Variants in USP34 observed in about 807,000 individuals in gnomAD.
The protein encoded by USP34 is ubiquitin carboxyl-terminal hydrolase 34.
A neutral mutation model predicts 460.3 loss-of-function variants in USP34; 70 were observed. The ratio of observed to expected loss-of-function variants is 0.15; its 90% confidence interval spans 0.13 to 0.19. USP34 has a LOEUF of 0.19. USP34 is among the 10% of genes least tolerant of loss of function. USP34 has a pLI of 1.00. For missense variants in USP34, 3,985 were observed against 4,236.2 expected, an observed-to-expected ratio of 0.94 and a Z score of 1.65; for synonymous variants, 1,647 against 1,405.3, an observed-to-expected ratio of 1.17 and a Z score of -3.85.
Position 61,378,327 on chromosome 2 carries a change from T to C in USP34, c.1076+36A>G, listed in dbSNP as rs756840065. The C allele has an allele frequency of 1.1e-5, 16 of 1,404,184 alleles. No homozygotes were observed. The South Asian group carries it at 1.9e-4, about 17-fold the overall frequency. 87.0% of individuals were successfully genotyped at this position (1,404,184 alleles called of 1,614,324 possible). On this transcript the variant is annotated intron_variant, in intron 8 of 79. Transcript: ENST00000398571. ...CCATATAAACAACTGTACATTAAAA[T>C]GGTATACTTATATATAAATTAATGC...
chr2:61,433,561 G>A (rs1395336481), intron 1 of USP34, among the ~76,000 whole-genome samples: 3 of 152,110 alleles, frequency 2.0e-5, no homozygotes, highest in African/African-American at 4.8e-5. Flanking sequence ...TTGAACCCAG[G>A]AGGCAGAGGT....
At chr2:61,249,359 T>C (rs1260816016) in intron 48 of USP34, among the ~76,000 whole-genome samples, 2 of 152,218 alleles carry the variant, frequency 1.3e-5, no homozygotes, top group African/African-American at 4.8e-5. Flanking sequence ...GTATACACCA[T>C]GGACATGCTG....
chr2:61,383,110 CAT>C (rs1693023676), intron 6 of USP34, among the ~76,000 whole-genome samples, 157 bp downstream of exon 6: 1 of 151,970 alleles, frequency 6.6e-6, no homozygotes, highest in African/African-American at 2.4e-5. Flanking sequence ...AATATAAATC[CAT>C]ATATGTGCAT....
chr2:61,440,322 G>C (rs1039894153), intron 1 of USP34, among the ~76,000 whole-genome samples: 1 of 152,068 alleles, frequency 6.6e-6, no homozygotes. Context: ...GGTCCTGCTG[G>C]AGGATGTGCC....
intron 67 of USP34, among the ~76,000 whole-genome samples, chr2:61,218,610 T>C (rs1431201639): frequency 2.0e-5 from 3 of 151,956 alleles, no homozygotes; most frequent in Non-Finnish European, 4.4e-5. Context: ...CTAGTATACA[T>C]TACAGCTAGT....
At chr2:61,255,467 T>A (rs749225710) in intron 48 of USP34, among the ~76,000 whole-genome samples, 1 of 152,220 alleles carries the variant, frequency 6.6e-6, no homozygotes, top group South Asian at 2.1e-4. Context: ...CTTATTTGTA[T>A]CTTAGGAATC....
intron 19 of USP34, 124 bp from the exon 20 acceptor site, chr2:61,331,495 T>A: frequency 1.6e-6 from 1 of 634,084 alleles, no homozygotes; most frequent in South Asian, 3.7e-5. Flanking sequence ...TTACGAAAAA[T>A]ATACACGTTT....
rs191007662 is a variant in USP34, at chr2:61,334,938, C to A, written c.2745-967G>T. 8.5e-5 allele frequency among the ~76,000 whole-genome samples: 13 copies of A among 152,282 alleles called. No individual in the cohort carries two copies. In the East Asian group the frequency reaches 2.5e-3, roughly 29 times the overall value. ...AGTTTTTCCTAAGATTATCTAAAAA[C>A]TTCCAACTTTTCTCCCATTTAAAAG... On this transcript the variant is annotated intron_variant, in intron 18 of 79. Coordinates refer to ENST00000398571, the MANE Select transcript of USP34 (RefSeq NM_014709.4).
chr2:61,303,741 C>T (rs1480483096), intron 27 of USP34, among the ~76,000 whole-genome samples: 3 of 151,550 alleles, frequency 2.0e-5, no homozygotes, highest in South Asian at 4.2e-4. Context: ...GGACTACAGG[C>T]GCCTGCCACC....
At chr2:61,193,843 C>G (rs905786904) in intron 75 of USP34, among the ~76,000 whole-genome samples, 1 of 152,146 alleles carries the variant, frequency 6.6e-6, no homozygotes, top group Non-Finnish European at 1.5e-5. Context: ...GTGTTTGAGG[C>G]TTTGTGGCCA....
intron 3 of USP34, among the ~76,000 whole-genome samples, chr2:61,399,127 G>C (rs768588211): frequency 6.6e-6 from 1 of 151,982 alleles, no homozygotes; most frequent in Non-Finnish European, 1.5e-5. Context: ...GGCCTAGGTA[G>C]GTGGATCACG....
intron 75 of USP34, among the ~76,000 whole-genome samples, chr2:61,198,556 AC>A (rs1686877503): frequency 6.9e-6 from 1 of 144,870 alleles, no homozygotes; most frequent in South Asian, 2.1e-4. Flanking sequence ...TATCTGATAG[AC>A]TTTTTTTTTT....
At chr2:61,312,524 A>T (rs1052370461) in intron 25 of USP34, among the ~76,000 whole-genome samples, 1 of 152,100 alleles carries the variant, frequency 6.6e-6, no homozygotes, top group Non-Finnish European at 1.5e-5. Flanking sequence ...AAAAAAAAAA[A>T]AAGTCTAAAA....
intron 1 of USP34, among the ~76,000 whole-genome samples, chr2:61,443,625 G>C (rs989321744): frequency 1.3e-5 from 2 of 152,132 alleles, no homozygotes; most frequent in Admixed American, 1.3e-4. Flanking sequence ...AGGAAAGGCA[G>C]AACTATGGAG....
chr2:61,341,606 C>T (rs1335057831), intron 16 of USP34, among the ~76,000 whole-genome samples: 1 of 152,008 alleles, frequency 6.6e-6, no homozygotes, highest in East Asian at 1.9e-4. Flanking sequence ...CATGAGACCC[C>T]TGCTCCCCCT....
At chr2:61,358,731 A>G (rs1025097421) in intron 10 of USP34, among the ~76,000 whole-genome samples, 1 of 152,254 alleles carries the variant, frequency 6.6e-6, no homozygotes, top group Non-Finnish European at 1.5e-5. Context: ...TAAAGAATCC[A>G]CAGGAGAACT....
chr2:61,401,404 A>AT (rs930367095), intron 3 of USP34, among the ~76,000 whole-genome samples: 3 of 150,298 alleles, frequency 2.0e-5, no homozygotes, highest in African/African-American at 4.9e-5. Flanking sequence ...CGCCCAGTTA[A>AT]TTTTTTTTTC....
chr2:61,467,617 G>GTTTTTTTTT (rs3980937), intron 1 of USP34, among the ~76,000 whole-genome samples: 2 of 106,036 alleles, frequency 1.9e-5, no homozygotes, highest in African/African-American at 3.6e-5. Context: ...CTGTAACTTT[G>GTTTTTTTTT]TTTTTTTTTT....
At chr2:61,424,644 G>A (rs1694457738) in intron 1 of USP34, among the ~76,000 whole-genome samples, 1 of 152,094 alleles carries the variant, frequency 6.6e-6, no homozygotes, top group African/African-American at 2.4e-5. Flanking sequence ...GCGAGGCCAA[G>A]GCAAGAGGAT....
Sources: allele counts gnomAD v4.1 joint callset (sites outside exome capture counted in the v4.1 genomes callset), GRCh38; gene constraint gnomAD v4.1.1; transcripts MANE v1.5; gene names NCBI Gene and HGNC (gene_info 2026-07-23, HGNC 2026-07-21).